The following PTPRA variants were observed in gnomAD, a reference collection of about 807,000 sequenced individuals.
PTPRA encodes receptor-type tyrosine-protein phosphatase alpha.
PTPRA carries 25 observed loss-of-function variants against 104.8 expected under a neutral mutation model. That is an observed-to-expected ratio of 0.24 (90% CI 0.17 to 0.33). The LOEUF (loss-of-function observed/expected upper bound fraction) is 0.33, where lower values mean the gene tolerates loss of function less well. Ranked by LOEUF, PTPRA falls within the 10% of genes least tolerant of loss-of-function variation. The probability of loss-of-function intolerance (pLI) is 1.00; values close to 1 mark genes in which losing one functional copy is unlikely to be tolerated. For missense variants in PTPRA, 765 were observed against 1,015.3 expected, an observed-to-expected ratio of 0.75 and a Z score of 3.35; for synonymous variants, 323 against 368.9, an observed-to-expected ratio of 0.88 and a Z score of 1.43.
chr20:2,904,599 G>T (rs1045053417), intron 1 of PTPRA, among the ~76,000 whole-genome samples: 1 of 143,664 alleles, frequency 7.0e-6, no homozygotes, highest in Non-Finnish European at 1.5e-5. Context: ...AACCCAGGAG[G>T]CAGAGTTGCA....
chr20:2,952,629 A>C (rs1410106955), intron 3 of PTPRA, among the ~76,000 whole-genome samples: 2 of 152,212 alleles, frequency 1.3e-5, no homozygotes, highest in Admixed American at 1.3e-4. Context: ...AAGCATAGTC[A>C]CATTGTTGTG....
chr20:2,889,934 T>A (rs572751940), intron 1 of PTPRA, among the ~76,000 whole-genome samples: 1 of 152,072 alleles, frequency 6.6e-6, no homozygotes, highest in Non-Finnish European at 1.5e-5. Flanking sequence ...CCCATGCTGG[T>A]GTGCAGTGGT....
chr20:3,032,313 C>T (rs2065498936), intron 20 of PTPRA, among the ~76,000 whole-genome samples: 1 of 152,214 alleles, frequency 6.6e-6, no homozygotes, highest in Non-Finnish European at 1.5e-5. Flanking sequence ...ACCATCTTCT[C>T]TCCCACCTCC....
chr20:2,930,784 A>C (rs777330574), intron 2 of PTPRA, among the ~76,000 whole-genome samples: 24 of 152,144 alleles, frequency 1.6e-4, no homozygotes, highest in Non-Finnish European at 3.2e-4. Context: ...TTACATCTTC[A>C]ACGACCCTAT....
In PTPRA at chr20:3,025,564, G is replaced by A. The variant is rs547330523; in HGVS notation, c.1614+943G>A. On this transcript the variant is annotated intron_variant, in intron 17 of 23. Coordinates refer to ENST00000399903, the MANE Select transcript of PTPRA (RefSeq NM_001385305.1). ...ATATAGCATGTGCACAGATTTCTTT[G>A]GGATCCTGTCAAGATGTGGGTTCTG... Among the ~76,000 whole-genome samples, 3 of 151,806 alleles carry A rather than the reference G, an allele frequency of 2.0e-5. No homozygotes were observed. The South Asian group carries it at 6.2e-4, about 32-fold the overall frequency.
Position 2,965,090 on chromosome 20 carries a change from T to G in PTPRA, c.303T>G (p.Ile101Met), listed in dbSNP as rs202217737. The change falls in exon 5 of 24, where the codon ATT becomes ATG. Residue 101 changes from isoleucine (I) to methionine (M), a missense_variant. By Grantham distance (10) the Ile-to-Met change is conservative. This residue lies in a region of PTPRA where 256 missense variants were observed against 248.9 expected (regional missense o/e 1.03). Coordinates refer to ENST00000399903, the MANE Select transcript of PTPRA (RefSeq NM_001385305.1). ...TASTNSIGIT[I>M]SPNGTWLPDN... Reference sequence around the variant, plus strand: ...GCACCAATTCTATAGGCATTACAATTTCACCAAATGGAACGTGGCTTCCAG... The same window carrying G: ...GCACCAATTCTATAGGCATTACAATGTCACCAAATGGAACGTGGCTTCCAG... 1.3e-4 allele frequency: 210 copies of G among 1,613,962 alleles called. 1 individual carries two copies. In the Middle Eastern group the frequency reaches 1.6e-3, roughly 13 times the overall value.
At chr20:2,917,201 G>A (rs985805300) in intron 1 of PTPRA, among the ~76,000 whole-genome samples, 3 of 151,852 alleles carry the variant, frequency 2.0e-5, no homozygotes, top group African/African-American at 4.8e-5. Context: ...CAAGTGATCC[G>A]CCGGCCTCGG....
In PTPRA at chr20:3,026,979, G is replaced by C. The variant is rs2065177011; in HGVS notation, c.1709-142G>C. 11 of 1,034,580 alleles carry C rather than the reference G, an allele frequency of 1.1e-5. 1 individual carries two copies. In the Admixed American group the frequency reaches 1.1e-4, roughly 10 times the overall value. The allele number at this position is 1,034,580 out of a possible 1,614,324, so 64.1% of individuals were successfully genotyped here. On this transcript the variant is annotated intron_variant, in intron 18 of 23. Coordinates refer to ENST00000399903, the MANE Select transcript of PTPRA (RefSeq NM_001385305.1). ...TCTGGAAATAACGTAAAAGCCAAAG[G>C]CTTTCTCCCTAATGAGCTAGGAACA...
intron 13 of PTPRA, among the ~76,000 whole-genome samples, chr20:3,020,748 G>A (rs1600267613): frequency 6.6e-6 from 1 of 152,224 alleles, no homozygotes; most frequent in South Asian, 2.1e-4. Flanking sequence ...GGTATCGGGT[G>A]TCATGATCAA....
intron 2 of PTPRA, among the ~76,000 whole-genome samples, chr20:2,942,544 T>TG (rs1015201017): frequency 2.6e-5 from 4 of 151,998 alleles, no homozygotes; most frequent in Non-Finnish European, 5.9e-5. Flanking sequence ...TTAATATAGT[T>TG]AATATATTCT....
chr20:2,884,604 T>C (rs777711574), intron 1 of PTPRA, among the ~76,000 whole-genome samples: 2 of 152,188 alleles, frequency 1.3e-5, no homozygotes. Flanking sequence ...ACTTGGCTCA[T>C]TTTAAAATTT....
Position 2,896,153 on chromosome 20 carries a change from T to C in PTPRA, c.-129+22393T>C, listed in dbSNP as rs184244605. 4.8e-4 allele frequency among the ~76,000 whole-genome samples: 73 copies of C among 152,212 alleles called. No individual in the cohort carries two copies. The East Asian group carries it at 0.012, about 26-fold the overall frequency. Reference sequence around the variant, plus strand: ...ACTTTGGGAGGCTGAGGCAGGGGGATCACTTGAGGTCATGAGTTCAAGACC... The same window carrying C: ...ACTTTGGGAGGCTGAGGCAGGGGGACCACTTGAGGTCATGAGTTCAAGACC... On this transcript the variant is annotated intron_variant, in intron 1 of 23. Transcript: ENST00000399903.
At chr20:2,988,518 A>G (rs1206584306) in intron 9 of PTPRA, 44 bp downstream of exon 9, 2 of 1,598,002 alleles carry the variant, frequency 1.3e-6, no homozygotes, top group Non-Finnish European at 1.7e-6. Flanking sequence ...GGAAGAAGGC[A>G]GACCTAAAGT....
intron 1 of PTPRA, among the ~76,000 whole-genome samples, chr20:2,885,550 T>C (rs1179644207): frequency 6.6e-6 from 1 of 151,348 alleles, no homozygotes; most frequent in African/African-American, 2.5e-5. Flanking sequence ...CCAAATCTTA[T>C]ATTCTTTCTA....
intron 20 of PTPRA, among the ~76,000 whole-genome samples, chr20:3,030,044 C>G (rs543501804): frequency 6.6e-6 from 1 of 152,264 alleles, no homozygotes; most frequent in African/African-American, 2.4e-5. Context: ...CTTCTGCACC[C>G]CTGCCCTTCA....
chr20:3,036,571 C>T (rs1271901953), intron 22 of PTPRA, among the ~76,000 whole-genome samples: 2 of 152,212 alleles, frequency 1.3e-5, no homozygotes, highest in African/African-American at 4.8e-5. Context: ...CCAGAACTCC[C>T]ACTCCTCTTT....
chr20:2,864,843 A>T, the PTPRA span: 11 of 1,248,364 alleles, frequency 8.8e-6, no homozygotes, highest in South Asian at 1.3e-4. The surrounding 1 kb of genome is among the most constrained non-coding windows in gnomAD (Gnocchi z 5.2). Context: ...CTAGGACATC[A>T]GAGTGGTGCA....
At chr20:2,926,769 C>CTTTTTTTTTTTTTTTTTTTTTTTTTTTT (rs777386962) in intron 2 of PTPRA, among the ~76,000 whole-genome samples, 7 of 85,020 alleles carry the variant, frequency 8.2e-5, no homozygotes, top group South Asian at 5.5e-4. Context: ...TTTCCTTTTC[C>CTTTTTTTTTTTTTTTTTTTTTTTTTTTT]TTTTTTTTTT....
At chr20:2,866,526 C>T in the PTPRA span, 15 of 1,614,168 alleles carry the variant, frequency 9.3e-6, no homozygotes, top group African/African-American at 1.1e-4. Flanking sequence ...CAGATGGGGC[C>T]ACAGCTGACA....
Sources: gnomAD v4.1 joint callset for allele counts (sites outside exome capture counted in the v4.1 genomes callset) on GRCh38, gnomAD v4.1.1 for gene constraint, gnomAD v4.1.1 regional missense constraint, Gnocchi (gnomAD v3.1) non-coding constraint, MANE v1.5 for transcripts, NCBI Gene and HGNC (gene_info 2026-07-23, HGNC 2026-07-21) for gene names.